Variants in STAB2 observed in about 807,000 individuals in gnomAD.
STAB2 encodes stabilin 2.
Under a neutral mutation model 338.1 loss-of-function variants are expected in STAB2, and 288 were observed. That is an observed-to-expected ratio of 0.85 (90% confidence interval 0.77 to 0.94). The LOEUF (loss-of-function observed/expected upper bound fraction) is 0.94, where lower values mean the gene tolerates loss of function less well. STAB2 is among the 40% of genes least tolerant of loss of function. STAB2 has a pLI of 0.00. For synonymous variants in STAB2, 1,202 were observed against 1,193.3 expected, an observed-to-expected ratio of 1.01 and a Z score of -0.15; for missense variants, 3,141 against 3,210.1, an observed-to-expected ratio of 0.98 and a Z score of 0.52.
intron 3 of STAB2, among the ~76,000 whole-genome samples, chr12:103,612,706 C>T (rs979732563): frequency 6.6e-5 from 10 of 152,182 alleles, no homozygotes; most frequent in Admixed American, 2.6e-4. Context: ...ATTCTCCATC[C>T]GGCTTTGTTC....
chr12:103,664,361 G>T (rs1332707705), intron 18 of STAB2, among the ~76,000 whole-genome samples: 1 of 152,108 alleles, frequency 6.6e-6, no homozygotes, highest in African/African-American at 2.4e-5. Flanking sequence ...CACCAGGATG[G>T]TCTCAATCTC....
chr12:103,685,193 T>A (rs1403118753), intron 27 of STAB2, 109 bp downstream of exon 27: 1 of 1,030,912 alleles, frequency 9.7e-7, no homozygotes, highest in Non-Finnish European at 1.4e-6. Context: ...GCAGGAGATT[T>A]TACATGAAGC....
intron 3 of STAB2, among the ~76,000 whole-genome samples, chr12:103,597,476 C>T (rs548006924): frequency 6.6e-5 from 10 of 152,186 alleles, no homozygotes; most frequent in Admixed American, 2.0e-4. Context: ...CTATGGTCAA[C>T]GCTGAAAACT....
intron 9 of STAB2, among the ~76,000 whole-genome samples, chr12:103,642,764 G>A (rs1274504566): frequency 6.6e-6 from 1 of 152,154 alleles, no homozygotes; most frequent in East Asian, 1.9e-4. Flanking sequence ...CCCCCCACTA[G>A]ACCACACTCG....
chr12:103,760,139 A>T (rs986988874), intron 65 of STAB2, among the ~76,000 whole-genome samples: 1 of 152,176 alleles, frequency 6.6e-6, no homozygotes, highest in Non-Finnish European at 1.5e-5. Flanking sequence ...GCACTTTCTC[A>T]TGGGAAATTG....
chr12:103,594,252 C>T, intron 2 of STAB2, 143 bp from the exon 3 acceptor site: 1 of 593,416 alleles, frequency 1.7e-6, no homozygotes, highest in Non-Finnish European at 3.0e-6. Context: ...TTTATGCTAC[C>T]TAGAAAGCCA....
At chr12:103,714,114 CTTA>C (rs1384824177) in intron 42 of STAB2, among the ~76,000 whole-genome samples, 7 of 152,130 alleles carry the variant, frequency 4.6e-5, no homozygotes, top group Non-Finnish European at 7.3e-5. Flanking sequence ...AGATAGTGCT[CTTA>C]TTATTGTCAT....
chr12:103,707,355 C>G (rs1425142745), intron 38 of STAB2, among the ~76,000 whole-genome samples: 1 of 152,236 alleles, frequency 6.6e-6, no homozygotes, highest in Non-Finnish European at 1.5e-5. Context: ...ATTTAATCCA[C>G]ACAGGAACCT....
At position 103,660,814 on chromosome 12, in the gene STAB2, G is replaced by A. The variant is rs576490366; in HGVS notation, c.1869+51G>A. ...GCATCACTTGAACACATCTTTGCTCGATAATGATTATTCATCAGGTTATCC... is the reference window on the plus strand; with the variant it reads ...GCATCACTTGAACACATCTTTGCTCAATAATGATTATTCATCAGGTTATCC... On this transcript the variant is annotated intron_variant, in intron 17 of 68. Coordinates refer to ENST00000388887, the MANE Select transcript of STAB2 (RefSeq NM_017564.10). 3.8e-5 allele frequency: 60 copies of A among 1,566,544 alleles called. No homozygotes were observed. In the Admixed American group the frequency reaches 4.5e-4, roughly 12 times the overall value.
intron 3 of STAB2, among the ~76,000 whole-genome samples, chr12:103,613,879 A>G (rs1184269492): frequency 6.6e-6 from 1 of 152,128 alleles, no homozygotes; most frequent in Non-Finnish European, 1.5e-5. Context: ...TAAGTTCACT[A>G]ATCTTTTATT....
At chr12:103,590,515 C>G (rs770672438) in intron 1 of STAB2, among the ~76,000 whole-genome samples, 2 of 152,206 alleles carry the variant, frequency 1.3e-5, no homozygotes, top group African/African-American at 2.4e-5. Context: ...ACCAATTGAC[C>G]TTGAATAACC....
chr12:103,726,915 T>C (rs1183451582), intron 46 of STAB2, among the ~76,000 whole-genome samples: 1 of 152,146 alleles, frequency 6.6e-6, no homozygotes, highest in African/African-American at 2.4e-5. Context: ...TGTATTATTA[T>C]CCTAATGATA....
chr12:103,696,995 C>T lies in STAB2; in HGVS notation c.3582+1151C>T, dbSNP rs180791414. ...TGAAATGACACGATTGAACTGAAAA[C>T]GGTGTTTGAATTTTCAGCAAATAGG... On this transcript the variant is annotated intron_variant, in intron 33 of 68. Coordinates refer to ENST00000388887, the MANE Select transcript of STAB2 (RefSeq NM_017564.10). Among the ~76,000 whole-genome samples the T allele has an allele frequency of 5.7e-3, 869 of 152,182 alleles. 2 individuals are homozygous for T. Among genetic ancestry groups the T allele is most frequent in the Non-Finnish European group, 9.8e-3 (666 of 68,002 alleles).
At chr12:103,739,616 T>G in intron 54 of STAB2, 148 bp downstream of exon 54, 3 of 669,346 alleles carry the variant, frequency 4.5e-6, no homozygotes, top group Non-Finnish European at 6.6e-6. Context: ...TGTCATTCTT[T>G]CAACAACAAA....
At chr12:103,753,817 A>G (rs1883880997) in intron 61 of STAB2, among the ~76,000 whole-genome samples, 1 of 152,172 alleles carries the variant, frequency 6.6e-6, no homozygotes, top group Non-Finnish European at 1.5e-5. Context: ...AATACCCACG[A>G]GCCTAGGGTG....
Position 103,660,762 on chromosome 12 carries a change from A to G in STAB2, c.1868A>G (p.Asn623Ser). The stretch of plus-strand genomic sequence containing the variant: ...CTCATACAGTTCAACACCACCGACA[A>G]TGTAAGTGAAAACTCAACCACCACC... ...NQLIQFNTTD[N>S]GQILANDVAM... Residue 623 changes from asparagine (N) to serine (S), a missense_variant and splice_region_variant, in exon 17 of 69, where the codon AAT (asparagine) becomes AGT (serine). Asn to Ser is a conservative substitution (Grantham distance 46). Coordinates refer to ENST00000388887, the MANE Select transcript of STAB2 (RefSeq NM_017564.10). 1 of 1,613,974 alleles carries G rather than the reference A, an allele frequency of 6.2e-7. No homozygotes were observed. Among genetic ancestry groups the G allele is most frequent in the Middle Eastern group, 1.7e-4 (1 of 6,060 alleles).
In STAB2 at chr12:103,763,500, G is replaced by A; in HGVS notation, c.7497G>A (p.Glu2499=). 6.2e-7 allele frequency: 1 copy of A among 1,614,048 alleles called. No homozygotes were observed. The highest frequency in any genetic ancestry group is 8.5e-7 in the Non-Finnish European group (1 of 1,179,950). The change falls in exon 68 of 69, where the codon GAG becomes GAA. Residue 2499 remains glutamate (E), a synonymous_variant. Coordinates refer to ENST00000388887, the MANE Select transcript of STAB2 (RefSeq NM_017564.10). ...CTTGTCTTTCCAAACAGTCGGAAGA[G>A]GACATTAATGTTGCAGCTCTTGGCA... is the stretch of plus-strand genomic sequence containing the variant. The part of the protein sequence containing the change: ...TIGFQHFESE[E]DINVAALGKQ...
rs746706685 is a variant in STAB2, at chr12:103,737,652, G to A, written c.5569G>A (p.Gly1857Ser). 3 of 1,498,150 alleles carry A rather than the reference G, an allele frequency of 2.0e-6. 1 individual carries two copies. In the South Asian group the frequency reaches 3.4e-5, roughly 17 times the overall value. The allele number at this position is 1,498,150 out of a possible 1,614,324, so 92.8% of individuals were successfully genotyped here. ...TTCTTAGGGTGACCTCTTTCTGAAT[G>A]GCCAAACCTGCAGAATTGTGCAGCG... is the stretch of plus-strand genomic sequence containing the variant. Reference protein sequence around the residue: ...GRDIGDLFLNGQTCRIVQREL... With the variant: ...GRDIGDLFLNSQTCRIVQREL... The change falls in exon 53 of 69, where the codon GGC becomes AGC. Residue 1857 changes from glycine (G) to serine (S), a missense_variant. Gly to Ser is a moderately conservative substitution (Grantham distance 56). Transcript: ENST00000388887.
chr12:103,594,659 T>C, intron 3 of STAB2, 149 bp downstream of exon 3: 1 of 644,304 alleles, frequency 1.6e-6, no homozygotes, highest in Non-Finnish European at 2.7e-6. Flanking sequence ...AAATCTTTCT[T>C]GCCCTGTTAG....
Sources: gnomAD v4.1 joint callset for allele counts (sites outside exome capture counted in the v4.1 genomes callset) on GRCh38, gnomAD v4.1.1 for gene constraint, MANE v1.5 for transcripts, NCBI Gene and HGNC (gene_info 2026-07-23, HGNC 2026-07-21) for gene names.